ADK: variants seen among roughly 807,000 people sequenced by gnomAD.
ADK encodes the protein adenosine kinase, also known as N6,N6-dimethyladenosine kinase.
ADK carries 24 observed loss-of-function variants against 44.7 expected under a neutral mutation model. The ratio of observed to expected loss-of-function variants is 0.54; its 90% CI spans 0.39 to 0.76. ADK has a LOEUF of 0.76. Ranked by LOEUF, ADK falls within the 30% of genes least tolerant of loss-of-function variation. ADK has a pLI of 0.00. For missense variants in ADK, 321 were observed against 425.1 expected, an observed-to-expected ratio of 0.76 and a Z score of 2.15; for synonymous variants, 128 against 142.6, an observed-to-expected ratio of 0.90 and a Z score of 0.73.
intron 3 of ADK, among the ~76,000 whole-genome samples, chr10:74,271,067 T>A (rs750414985): frequency 4.6e-5 from 7 of 152,156 alleles, no homozygotes; most frequent in Non-Finnish European, 1.0e-4. Flanking sequence ...CAGGAATATA[T>A]ATAGGGATGG....
At position 74,482,587 on chromosome 10, in the gene ADK, A is replaced by C. The variant is rs568438197; in HGVS notation, c.556-42669A>C. Reference sequence around the variant, plus strand: ...CATCTCAGCATTAACTCAAAAGTCCACAATCTGAAGTCTAATCAGAGACAA... The same window carrying C: ...CATCTCAGCATTAACTCAAAAGTCCCCAATCTGAAGTCTAATCAGAGACAA... On this transcript the variant is annotated intron_variant, in intron 6 of 10. Transcript: ENST00000539909. 8.5e-5 allele frequency among the ~76,000 whole-genome samples: 13 copies of C among 152,296 alleles called. No individual in the cohort carries two copies. The East Asian group carries it at 2.3e-3, about 27-fold the overall frequency.
intron 4 of ADK, among the ~76,000 whole-genome samples, chr10:74,368,384 G>A (rs914415175): frequency 6.6e-6 from 1 of 151,738 alleles, no homozygotes; most frequent in African/African-American, 2.4e-5. Flanking sequence ...ACTGAGATTA[G>A]AGATGTGAGC....
At chr10:74,635,077 T>C (rs1589318541) in intron 9 of ADK, among the ~76,000 whole-genome samples, 2 of 152,348 alleles carry the variant, frequency 1.3e-5, no homozygotes, top group African/African-American at 4.8e-5. Context: ...AAATATTTGA[T>C]GAATAATGGC....
In ADK at chr10:74,620,748, A is replaced by G. The variant is rs527785785; in HGVS notation, c.877+20255A>G. ...TGATAGCCATTCTTACTGGAGTGAG[A>G]TGATACCTCACTGGTTTTGATTTGC... On this transcript the variant is annotated intron_variant, in intron 9 of 10. Transcript: ENST00000539909. 1.5e-3 allele frequency among the ~76,000 whole-genome samples: 235 copies of G among 152,022 alleles called. 1 individual carries two copies. Among genetic ancestry groups the G allele is most frequent in the Admixed American group, 4.0e-3 (61 of 15,276 alleles).
intron 7 of ADK, among the ~76,000 whole-genome samples, chr10:74,567,655 C>G (rs532050185): frequency 6.6e-6 from 1 of 151,486 alleles, no homozygotes; most frequent in African/African-American, 2.4e-5. Flanking sequence ...TTCACATTTC[C>G]CATTTCTTTT....
At chr10:74,209,321 C>T (rs956980447) in intron 2 of ADK, among the ~76,000 whole-genome samples, 1 of 151,328 alleles carries the variant, frequency 6.6e-6, no homozygotes, top group East Asian at 1.9e-4. Flanking sequence ...AGAAAAGCCT[C>T]GCCAGACACC....
intron 9 of ADK, among the ~76,000 whole-genome samples, chr10:74,602,162 G>C (rs978054298): frequency 7.8e-5 from 11 of 141,656 alleles, no homozygotes; most frequent in Admixed American, 1.4e-4. Context: ...AGAGGATCAA[G>C]TAAGCAAAGG....
chr10:74,333,718 T>G (rs1841308439), intron 4 of ADK, among the ~76,000 whole-genome samples: 1 of 152,120 alleles, frequency 6.6e-6, no homozygotes, highest in African/African-American at 2.4e-5. Flanking sequence ...AAAACTGTTG[T>G]AAGAAAAAAA....
intron 9 of ADK, among the ~76,000 whole-genome samples, chr10:74,665,408 A>C (rs943305085): frequency 6.6e-6 from 1 of 152,084 alleles, no homozygotes. Context: ...GCTGGGTCAG[A>C]GGCAGTGGCA....
At chr10:74,703,449 G>A (rs1477651620) in intron 10 of ADK, among the ~76,000 whole-genome samples, 1 of 151,984 alleles carries the variant, frequency 6.6e-6, no homozygotes, top group Non-Finnish European at 1.5e-5. Context: ...TTATGCCACT[G>A]CACTCCAGCC....
chr10:74,380,111 A>T (rs1842933380), intron 4 of ADK, among the ~76,000 whole-genome samples: 1 of 152,098 alleles, frequency 6.6e-6, no homozygotes, highest in African/African-American at 2.4e-5. Context: ...CATTTCTTAC[A>T]ATTATGCATT....
intron 4 of ADK, among the ~76,000 whole-genome samples, chr10:74,344,374 A>G (rs1044851526): frequency 6.6e-6 from 1 of 152,200 alleles, no homozygotes; most frequent in Non-Finnish European, 1.5e-5. Context: ...AAGACCTTCT[A>G]TTCTGATTAT....
chr10:74,372,111 C>T (rs1842679825), intron 4 of ADK: 4 of 750,078 alleles, frequency 5.3e-6, no homozygotes, highest in African/African-American at 1.7e-5. Flanking sequence ...TTCCCATGAA[C>T]ACCCATGGGA....
intron 6 of ADK, among the ~76,000 whole-genome samples, chr10:74,495,126 T>C (rs1342946502): frequency 6.6e-6 from 1 of 152,180 alleles, no homozygotes; most frequent in Non-Finnish European, 1.5e-5. Flanking sequence ...TCTGGTTTTC[T>C]AAAGTTTCAT....
intron 6 of ADK, chr10:74,423,612 G>T: frequency 3.2e-6 from 1 of 313,396 alleles, no homozygotes; most frequent in South Asian, 3.1e-5. Context: ...AACTGTCGTC[G>T]TCTGCATAGT....
At chr10:74,217,941 T>G (rs1476881915) in intron 2 of ADK, among the ~76,000 whole-genome samples, 4 of 151,920 alleles carry the variant, frequency 2.6e-5, no homozygotes, top group Admixed American at 1.3e-4. Context: ...GCAGAAAAAC[T>G]GGAAACTCTA....
intron 9 of ADK, among the ~76,000 whole-genome samples, chr10:74,652,520 G>A (rs535583133): frequency 6.6e-6 from 1 of 151,918 alleles, no homozygotes; most frequent in South Asian, 2.1e-4. Flanking sequence ...CAGCATTTTG[G>A]GAGGCCAAGG....
At chr10:74,422,477 A>G (rs1844593286) in intron 6 of ADK, among the ~76,000 whole-genome samples, 2 of 152,350 alleles carry the variant, frequency 1.3e-5, no homozygotes, top group South Asian at 4.1e-4. Context: ...ACTTTAGTCA[A>G]TAATCCACCA....
At chr10:74,240,473 A>G (rs764181307) in intron 3 of ADK, among the ~76,000 whole-genome samples, 7 of 151,352 alleles carry the variant, frequency 4.6e-5, no homozygotes, top group Admixed American at 1.3e-4. Context: ...ACTATGATGT[A>G]TGTCTTATTT....
Sources: allele counts gnomAD v4.1 joint callset (sites outside exome capture counted in the v4.1 genomes callset), GRCh38; gene constraint gnomAD v4.1.1; transcripts MANE v1.5; gene names NCBI Gene and HGNC (gene_info 2026-07-23, HGNC 2026-07-21).